Variants in DLG1 observed in about 807,000 individuals in gnomAD.
The protein encoded by DLG1 is disks large homolog 1.
In DLG1, 42 loss-of-function variants were observed where a neutral mutation model predicts 123.4. The ratio of observed to expected loss-of-function variants is 0.34; its 90% confidence interval spans 0.27 to 0.44. The LOEUF (loss-of-function observed/expected upper bound fraction) is 0.44, where lower values mean the gene tolerates loss of function less well. Among genes scored for constraint, DLG1 ranks in the 20% least tolerant of loss-of-function variants. DLG1 has a pLI of 1.00. For synonymous variants in DLG1, 317 were observed against 356.2 expected (o/e 0.89, Z 1.24); for missense variants, 942 against 1,082.6 (o/e 0.87, Z 1.82).
intron 5 of DLG1, among the ~76,000 whole-genome samples, chr3:197,182,316 C>G (rs1202557077): frequency 6.6e-6 from 1 of 152,128 alleles, no homozygotes; most frequent in Non-Finnish European, 1.5e-5. Flanking sequence ...AGAGTTAAAT[C>G]AATCGTTGCC....
chr3:197,181,403 T>C (rs1278847739), intron 5 of DLG1, among the ~76,000 whole-genome samples: 1 of 152,174 alleles, frequency 6.6e-6, no homozygotes, highest in Non-Finnish European at 1.5e-5. Flanking sequence ...ACTATGACCT[T>C]ATTATATTCA....
intron 4 of DLG1, among the ~76,000 whole-genome samples, chr3:197,202,135 G>C (rs1486697567): frequency 6.6e-6 from 1 of 152,116 alleles, no homozygotes; most frequent in African/African-American, 2.4e-5. Flanking sequence ...TGTACCCCAC[G>C]ATTATATACA....
intron 4 of DLG1, among the ~76,000 whole-genome samples, chr3:197,230,364 T>C (rs956828749): frequency 6.6e-6 from 1 of 152,170 alleles, no homozygotes; most frequent in Non-Finnish European, 1.5e-5. Flanking sequence ...TGAAATCTTA[T>C]AAAAGGGTTA....
At chr3:197,209,632 T>C (rs1039501455) in intron 4 of DLG1, among the ~76,000 whole-genome samples, 1 of 146,266 alleles carries the variant, frequency 6.8e-6, no homozygotes, top group Non-Finnish European at 1.5e-5. Flanking sequence ...ACAAAACAAG[T>C]CACAAATTTA....
At chr3:197,279,903 G>C (rs146999049) in intron 4 of DLG1, among the ~76,000 whole-genome samples, 1 of 152,138 alleles carries the variant, frequency 6.6e-6, no homozygotes, top group African/African-American at 2.4e-5. Context: ...GGGTACATGC[G>C]ATATTTGGTA....
chr3:197,246,526 AGCTTCCT>A (rs1352011100), intron 4 of DLG1, among the ~76,000 whole-genome samples: 1 of 152,182 alleles, frequency 6.6e-6, no homozygotes, highest in African/African-American at 2.4e-5. Flanking sequence ...CCCAAAGGTT[AGCTTCCT>A]GCTTTCTTCA....
chr3:197,131,526 T>C (rs1782433864), intron 10 of DLG1, among the ~76,000 whole-genome samples: 1 of 151,678 alleles, frequency 6.6e-6, no homozygotes. Flanking sequence ...AGCAGGTTCC[T>C]AGGATAGTCT....
chr3:197,191,011 A>T (rs1719163900), intron 5 of DLG1, among the ~76,000 whole-genome samples: 1 of 152,152 alleles, frequency 6.6e-6, no homozygotes, highest in Non-Finnish European at 1.5e-5. Flanking sequence ...CTTCAACTCA[A>T]ACAAAACAAA....
In DLG1 at chr3:197,051,624, A is replaced by G; in HGVS notation, c.2528T>C (p.Phe843Ser). 1 of 1,613,918 alleles carries G rather than the reference A, an allele frequency of 6.2e-7. No homozygotes were observed. The highest frequency in any genetic ancestry group is 1.1e-5 in the South Asian group (1 of 91,074). ...RLTEEQARKT[F>S]ERAMKLEQEF... Reference sequence around the variant, plus strand: ...CTGTTCCAGTTTCATGGCTCTCTCAAATGTTTTTCTGGCTTGTTCTTCTGT... The same window carrying G: ...CTGTTCCAGTTTCATGGCTCTCTCAGATGTTTTTCTGGCTTGTTCTTCTGT... The change falls in exon 24 of 25, where the codon TTT becomes TCT. Residue 843 changes from phenylalanine (F) to serine (S), a missense_variant. Phe to Ser is a radical substitution (Grantham distance 155). Coordinates refer to ENST00000667157, the MANE Select transcript of DLG1 (RefSeq NM_001366207.1).
At chr3:197,286,125 T>C (rs1021578368) in intron 3 of DLG1, among the ~76,000 whole-genome samples, 1 of 152,198 alleles carries the variant, frequency 6.6e-6, no homozygotes, top group African/African-American at 2.4e-5. Context: ...CTAAAAAGGT[T>C]ACATACTTAT....
intron 5 of DLG1, among the ~76,000 whole-genome samples, chr3:197,175,031 G>A (rs1350544386): frequency 6.6e-6 from 1 of 152,194 alleles, no homozygotes; most frequent in Non-Finnish European, 1.5e-5. Flanking sequence ...AATAGGAAGT[G>A]CTCCTGTTAC....
At chr3:197,254,591 T>C (rs560787439) in intron 4 of DLG1, among the ~76,000 whole-genome samples, 1 of 152,238 alleles carries the variant, frequency 6.6e-6, no homozygotes, top group African/African-American at 2.4e-5. Context: ...CCACAGATGT[T>C]AGAACTATTA....
intron 4 of DLG1, among the ~76,000 whole-genome samples, chr3:197,219,436 A>C (rs532827287): frequency 2.0e-5 from 3 of 152,306 alleles, no homozygotes; most frequent in Admixed American, 2.0e-4. Context: ...TTTATAAATA[A>C]AATGTTTTAC....
At chr3:197,158,634 C>CACAAAA (rs1797447435) in intron 5 of DLG1, among the ~76,000 whole-genome samples, 1 of 67,490 alleles carries the variant, frequency 1.5e-5, no homozygotes, top group East Asian at 6.5e-4. Context: ...AACTCCATTT[C>CACAAAA]AAAAAAAAAA....
intron 23 of DLG1, among the ~76,000 whole-genome samples, chr3:197,055,958 T>C (rs900003345): frequency 6.6e-6 from 1 of 152,170 alleles, no homozygotes; most frequent in African/African-American, 2.4e-5. Flanking sequence ...AGAATCCTTA[T>C]TGTCCACACT....
intron 22 of DLG1, among the ~76,000 whole-genome samples, chr3:197,061,774 T>G (rs1736010812): frequency 6.6e-6 from 1 of 152,228 alleles, no homozygotes; most frequent in Non-Finnish European, 1.5e-5. Flanking sequence ...GAGGCGATAT[T>G]ATATCTATTT....
intron 23 of DLG1, among the ~76,000 whole-genome samples, chr3:197,056,061 T>A (rs1448793528): frequency 1.3e-5 from 2 of 152,240 alleles, no homozygotes; most frequent in African/African-American, 4.8e-5. Context: ...GTTGCTACCA[T>A]GTTAAGAGCT....
chr3:197,177,218 G>T (rs1807594805), intron 5 of DLG1, among the ~76,000 whole-genome samples: 1 of 152,062 alleles, frequency 6.6e-6, no homozygotes, highest in Non-Finnish European at 1.5e-5. Context: ...AGAAACAAAT[G>T]TGTCTGCCAA....
intron 4 of DLG1, among the ~76,000 whole-genome samples, chr3:197,269,957 A>C (rs1369138458): frequency 6.6e-6 from 1 of 152,240 alleles, no homozygotes; most frequent in Non-Finnish European, 1.5e-5. Flanking sequence ...TTTTAAAATG[A>C]ATACAATATG....
Sources: gnomAD v4.1 joint callset for allele counts (sites outside exome capture counted in the v4.1 genomes callset) on GRCh38, gnomAD v4.1.1 for gene constraint, MANE v1.5 for transcripts, NCBI Gene and HGNC (gene_info 2026-07-23, HGNC 2026-07-21) for gene names.